The following RIN2 variants were observed in gnomAD, a reference collection of about 807,000 sequenced individuals.
RIN2 encodes Ras and Rab interactor 2.
Under a neutral mutation model 78.0 loss-of-function variants are expected in RIN2, and 36 were observed. That is an observed-to-expected ratio of 0.46 (90% CI 0.35 to 0.61). The LOEUF (loss-of-function observed/expected upper bound fraction) is 0.61. Ranked by LOEUF, RIN2 falls within the 20% of genes least tolerant of loss-of-function variation. RIN2 has a pLI of 0.00. For missense variants in RIN2, 1,087 were observed against 1,159.7 expected, an observed-to-expected ratio of 0.94 and a Z score of 0.91; for synonymous variants, 466 against 466.8, an observed-to-expected ratio of 1.00 and a Z score of 0.02.
rs78648341 is a variant in RIN2, at chr20:19,935,126, G to C, written c.85G>C (p.Gly29Arg). The C allele has an allele frequency of 6.2e-7, 1 of 1,602,560 alleles. No homozygotes were observed. The highest frequency in any genetic ancestry group is 8.5e-7 in the Non-Finnish European group (1 of 1,174,546). Reference protein sequence around the residue: ...KLIDTIASEIGELKQEMVRTD... With the variant: ...KLIDTIASEIRELKQEMVRTD... Reference sequence around the variant, plus strand: ...CATTGACACAATTGCCTCGGAGATCGGAGAACTGAAACAGGAGATGGTGCG... The same window carrying C: ...CATTGACACAATTGCCTCGGAGATCCGAGAACTGAAACAGGAGATGGTGCG... Residue 29 changes from glycine to arginine, a missense_variant, in exon 4 of 13, where the codon GGA (glycine) becomes CGA (arginine). Gly to Arg is a moderately radical substitution (Grantham distance 125). Transcript: ENST00000255006.
intron 2 of RIN2, among the ~76,000 whole-genome samples, chr20:19,801,480 C>G (rs1268058211): frequency 6.6e-6 from 1 of 152,046 alleles, no homozygotes; most frequent in Admixed American, 6.5e-5. Flanking sequence ...ACCACCACGC[C>G]CGGCTAATTT....
At position 19,798,881 on chromosome 20, in the gene RIN2, A is replaced by G. The variant is rs542501665; in HGVS notation, c.-162-741A>G. Among the ~76,000 whole-genome samples, 167 of 152,038 alleles carry G rather than the reference A, an allele frequency of 1.1e-3. 1 individual carries two copies. The highest frequency in any genetic ancestry group is 1.9e-3 in the Non-Finnish European group (131 of 68,006). ...AGGATACTGATTCAAACAGTTAAAA[A>G]TGAAATATAGGATAATATAGTAATT... On this transcript the variant is annotated intron_variant, in intron 1 of 12. Transcript: ENST00000255006.
chr20:19,880,181 G>C (rs542212745), intron 2 of RIN2, among the ~76,000 whole-genome samples: 1 of 151,000 alleles, frequency 6.6e-6, no homozygotes, highest in Non-Finnish European at 1.5e-5. Context: ...AACCAGGAAG[G>C]TGGAGATTGC....
intron 2 of RIN2, among the ~76,000 whole-genome samples, chr20:19,816,583 G>A (rs150680481): frequency 9.8e-4 from 150 of 152,322 alleles, no homozygotes; most frequent in African/African-American, 3.5e-3. Flanking sequence ...GGCTTTTTAC[G>A]TGTCTGTTAG....
chr20:19,901,198 A>G (rs985545060), intron 3 of RIN2, among the ~76,000 whole-genome samples: 3 of 152,144 alleles, frequency 2.0e-5, no homozygotes, highest in Admixed American at 6.5e-5. Flanking sequence ...CCACCTTACC[A>G]GCTGGATTGT....
intron 3 of RIN2, among the ~76,000 whole-genome samples, chr20:19,912,091 T>C (rs758429417): frequency 5.3e-5 from 8 of 152,230 alleles, no homozygotes; most frequent in South Asian, 4.1e-4. Context: ...GTTTTCATAA[T>C]TGAATTAAGC....
chr20:19,961,437 A>G (rs1361511217), intron 6 of RIN2, among the ~76,000 whole-genome samples: 1 of 152,172 alleles, frequency 6.6e-6, no homozygotes, highest in African/African-American at 2.4e-5. Flanking sequence ...AAAAAAGGGA[A>G]CACCCAGTTC....
intron 3 of RIN2, among the ~76,000 whole-genome samples, chr20:19,921,269 T>C (rs1471155211): frequency 2.6e-5 from 4 of 152,204 alleles, no homozygotes; most frequent in African/African-American, 9.7e-5. Flanking sequence ...CGCTGCCTCC[T>C]GGATGTGCAA....
At chr20:19,882,894 T>C (rs773988278) in intron 2 of RIN2, among the ~76,000 whole-genome samples, 3 of 152,162 alleles carry the variant, frequency 2.0e-5, no homozygotes, top group Non-Finnish European at 4.4e-5. Context: ...ATTAAGACAA[T>C]GCTAGGTATC....
In RIN2 at chr20:19,935,154, C is replaced by T; in HGVS notation, c.113C>T (p.Thr38Ile). The T allele has an allele frequency of 1.2e-6, 2 of 1,604,852 alleles. No individual in the cohort carries two copies. The highest frequency in any genetic ancestry group is 8.5e-7 in the Non-Finnish European group (1 of 1,175,672). ...IGELKQEMVR[T>I]DVNLENGLEP... Reference sequence around the variant, plus strand: ...GAACTGAAACAGGAGATGGTGCGGACAGATGTCAACCTGGAAAATGGCCTG... The same window carrying T: ...GAACTGAAACAGGAGATGGTGCGGATAGATGTCAACCTGGAAAATGGCCTG... The change falls in exon 4 of 13, where the codon ACA (threonine) becomes ATA (isoleucine). Residue 38 changes from threonine (T) to isoleucine (I), a missense_variant. Thr to Ile is a moderately conservative substitution (Grantham distance 89, BLOSUM62 -1). Coordinates refer to ENST00000255006, the MANE Select transcript of RIN2 (RefSeq NM_018993.4).
intron 1 of RIN2, among the ~76,000 whole-genome samples, chr20:19,761,903 G>C (rs554689753): frequency 3.3e-5 from 5 of 152,118 alleles, no homozygotes; most frequent in Non-Finnish European, 5.9e-5. Context: ...CCCCTCAAAC[G>C]CAGCTCTGTA....
At chr20:19,992,352 T>C (rs1387882468) in intron 11 of RIN2, 53 bp downstream of exon 11, 1 of 1,501,506 alleles carries the variant, frequency 6.7e-7, no homozygotes, top group Admixed American at 2.3e-5. Flanking sequence ...TTTTCATTTT[T>C]TTATAATTGA....
chr20:19,823,388 C>CT (rs879159405), intron 2 of RIN2: 8,956 of 356,564 alleles, frequency 0.025, no homozygotes, highest in Non-Finnish European at 0.029. Flanking sequence ...GCTCTGCCTG[C>CT]TTTTTTTTTT....
intron 1 of RIN2, among the ~76,000 whole-genome samples, chr20:19,767,402 A>G (rs1269681706): frequency 6.6e-6 from 1 of 152,146 alleles, no homozygotes; most frequent in African/African-American, 2.4e-5. Context: ...TGGTGGAGGG[A>G]AAGTTACAGC....
intron 1 of RIN2, among the ~76,000 whole-genome samples, chr20:19,783,953 G>A (rs1359754163): frequency 2.0e-5 from 3 of 152,182 alleles, no homozygotes. Flanking sequence ...GAGTCCAGCA[G>A]GCTGTCGTGG....
chr20:19,885,041 A>G (rs1009207936), intron 2 of RIN2, among the ~76,000 whole-genome samples: 4 of 152,164 alleles, frequency 2.6e-5, no homozygotes, highest in Admixed American at 6.5e-5. Context: ...AGAAAGAAAA[A>G]CTGAAGGTTG....
At chr20:19,961,759 CA>C (rs1238673793) in intron 6 of RIN2, among the ~76,000 whole-genome samples, 2 of 152,062 alleles carry the variant, frequency 1.3e-5, no homozygotes, top group Non-Finnish European at 2.9e-5. Flanking sequence ...GCCTCCAGCT[CA>C]ATTGTCAACC....
intron 3 of RIN2, among the ~76,000 whole-genome samples, chr20:19,894,690 A>G (rs2038637660): frequency 6.6e-6 from 1 of 152,162 alleles, no homozygotes; most frequent in South Asian, 2.1e-4. Context: ...CTTTGTGTAA[A>G]GCAGAGATAA....
intron 2 of RIN2, among the ~76,000 whole-genome samples, chr20:19,837,010 A>G (rs2036436490): frequency 1.3e-5 from 2 of 152,124 alleles, no homozygotes; most frequent in South Asian, 4.1e-4. Flanking sequence ...CATTTATTGT[A>G]TATCATGTGC....
Sources: allele counts gnomAD v4.1 joint callset (sites outside exome capture counted in the v4.1 genomes callset), GRCh38; gene constraint gnomAD v4.1.1; transcripts MANE v1.5; gene names NCBI Gene and HGNC (gene_info 2026-07-23, HGNC 2026-07-21).